The following KIF26B variants were observed in gnomAD, a reference collection of about 807,000 sequenced individuals.
The protein encoded by KIF26B is kinesin-like protein KIF26B.
A neutral mutation model predicts 151.2 loss-of-function variants in KIF26B; 63 were observed. The observed-to-expected ratio is 0.42, with a 90% CI of 0.34 to 0.51. The LOEUF (loss-of-function observed/expected upper bound fraction) is 0.51. KIF26B is among the 20% of genes least tolerant of loss of function. KIF26B has a pLI of 0.07. For missense variants in KIF26B, 2,813 were observed against 2,913.6 expected (o/e 0.97, Z 0.79); for synonymous variants, 1,357 against 1,262.1 (o/e 1.08, Z -1.59).
At position 245,575,026 on chromosome 1, in the gene KIF26B, G is replaced by A. The variant is rs560788000; in HGVS notation, c.1351-27551G>A. On this transcript the variant is annotated intron_variant, in intron 5 of 14. Transcript: ENST00000407071. ...ACTACAGGCGCCCGCCACCACACCC[G>A]GCTAATTTTTTTGTATTTTTAGTAG... 9.3e-4 allele frequency among the ~76,000 whole-genome samples: 141 copies of A among 150,852 alleles called. 1 individual carries two copies. In the South Asian group the frequency reaches 0.027, roughly 29 times the overall value.
intron 2 of KIF26B, among the ~76,000 whole-genome samples, chr1:245,292,478 C>T (rs569195007): frequency 3.5e-4 from 54 of 152,288 alleles, no homozygotes; most frequent in East Asian, 1.9e-4. Context: ...GGATGGTGCA[C>T]GGCTCCTTTT....
intron 9 of KIF26B, among the ~76,000 whole-genome samples, chr1:245,636,815 T>G (rs1297200880): frequency 1.3e-5 from 2 of 151,908 alleles, no homozygotes; most frequent in African/African-American, 4.8e-5. Context: ...CCATGTTGCT[T>G]AAAATGACAG....
At chr1:245,246,246 G>T (rs1670328977) in intron 2 of KIF26B, among the ~76,000 whole-genome samples, 1 of 152,142 alleles carries the variant, frequency 6.6e-6, no homozygotes, top group Non-Finnish European at 1.5e-5. Context: ...TTCTTGAAAA[G>T]AACCCCTTTC....
At chr1:245,466,578 G>A (rs1045502577) in intron 4 of KIF26B, among the ~76,000 whole-genome samples, 1 of 152,206 alleles carries the variant, frequency 6.6e-6, no homozygotes, top group Admixed American at 6.5e-5. Context: ...GCAGACAGTT[G>A]TGAGGATCTT....
chr1:245,485,573 G>A (rs1469472984), intron 4 of KIF26B, among the ~76,000 whole-genome samples: 1 of 151,772 alleles, frequency 6.6e-6, no homozygotes, highest in East Asian at 1.9e-4. Flanking sequence ...TAGTAGAGAC[G>A]GGGTTTCGCC....
In KIF26B at chr1:245,685,972, C is replaced by T; in HGVS notation, c.2989C>T (p.Pro997Ser). 1 of 1,601,602 alleles carries T rather than the reference C, an allele frequency of 6.2e-7. No individual in the cohort carries two copies. Among genetic ancestry groups the T allele is most frequent in the Non-Finnish European group, 8.5e-7 (1 of 1,174,500 alleles). Reference protein sequence around the residue: ...QLTNREGPELPASKMQRSHSP... With the variant: ...QLTNREGPELSASKMQRSHSP... ...GACCAACAGAGAAGGCCCTGAACTC[C>T]CAGCCTCCAAGATGCAGAGGAGTCA... Residue 997 changes from proline to serine, a missense_variant, in exon 12 of 15, where the codon CCA becomes TCA. Physicochemically the swap from Pro to Ser is moderately conservative, Grantham distance 74 (BLOSUM62 -1). Transcript: ENST00000407071.
chr1:245,570,952 C>A (rs2043061450), intron 5 of KIF26B, among the ~76,000 whole-genome samples: 1 of 152,208 alleles, frequency 6.6e-6, no homozygotes, highest in African/African-American at 2.4e-5. Flanking sequence ...ATCATCAAAT[C>A]TAACATGTTA....
At chr1:245,187,679 T>C (rs1669023567) in intron 2 of KIF26B, among the ~76,000 whole-genome samples, 2 of 152,180 alleles carry the variant, frequency 1.3e-5, no homozygotes, top group Admixed American at 1.3e-4. Flanking sequence ...GGAAGGCTCT[T>C]GGTGTTTCAG....
rs533657983 is a variant in KIF26B at position 245,572,050 on chromosome 1, C to T, written c.1351-30527C>T. 8.1e-4 allele frequency among the ~76,000 whole-genome samples: 123 copies of T among 152,278 alleles called. 1 individual carries two copies. The South Asian group carries it at 0.024, about 30-fold the overall frequency. ...AATATCCTCAGGGAATAGCTTTTATCTGCTAAGTATGACAAGTGTGGCAAC... is the reference window on the plus strand; with the variant it reads ...AATATCCTCAGGGAATAGCTTTTATTTGCTAAGTATGACAAGTGTGGCAAC... On this transcript the variant is annotated intron_variant, in intron 5 of 14. Coordinates refer to ENST00000407071, the MANE Select transcript of KIF26B (RefSeq NM_018012.4). This position sits in a 1 kb window ranked among gnomAD's most constrained non-coding sequence, Gnocchi z 4.2.
At chr1:245,444,367 A>G (rs1176029001) in intron 4 of KIF26B, among the ~76,000 whole-genome samples, 2 of 152,272 alleles carry the variant, frequency 1.3e-5, no homozygotes, top group South Asian at 2.1e-4. Context: ...TGTTAGAAGC[A>G]GAAGCCCTTG....
rs1157111208 is a variant in KIF26B, at chr1:245,640,675, A to T, written c.2099-5446A>T. ...TGCTTTTATTTTTTGTTTATCAATT[A>T]TAGATTTTTGCTTTAGGTTACCATG... On this transcript the variant is annotated intron_variant, in intron 9 of 14. Coordinates refer to ENST00000407071, the MANE Select transcript of KIF26B (RefSeq NM_018012.4). 2.0e-5 allele frequency among the ~76,000 whole-genome samples: 3 copies of T among 152,094 alleles called. No individual in the cohort carries two copies. In the East Asian group the frequency reaches 5.8e-4, roughly 29 times the overall value.
rs933357863 is a variant in KIF26B at position 245,486,342 on chromosome 1, A to C, written c.1167-54425A>C. 2.0e-5 allele frequency among the ~76,000 whole-genome samples: 3 copies of C among 152,118 alleles called. No individual in the cohort carries two copies. In the East Asian group the frequency reaches 5.8e-4, roughly 30 times the overall value. The stretch of plus-strand genomic sequence containing the variant: ...TCTGTCAATTTGATAAATCATTTTC[A>C]GGAAAGAAGAAGTTTCAGCAAAGTA... On this transcript the variant is annotated intron_variant, in intron 4 of 14. Transcript: ENST00000407071.
chr1:245,519,503 G>A (rs752760674), intron 4 of KIF26B, among the ~76,000 whole-genome samples: 22 of 151,692 alleles, frequency 1.5e-4, no homozygotes, highest in Non-Finnish European at 2.8e-4. Flanking sequence ...GCAGTGAGTC[G>A]AGGTGGTACC....
At chr1:245,673,600 T>C (rs1456036794) in intron 10 of KIF26B, 2 of 152,316 alleles carry the variant, frequency 1.3e-5, no homozygotes, top group South Asian at 2.1e-4. Context: ...ACACTTCTAA[T>C]GTCAACCTTG....
At chr1:245,386,451 C>T (rs114850186) in intron 3 of KIF26B, among the ~76,000 whole-genome samples, 3,241 of 152,126 alleles carry the variant, frequency 0.021, 97 homozygotes, top group African/African-American at 0.063. Context: ...CTTTGCTGAG[C>T]GATGAGGGAG....
chr1:245,580,710 A>AT (rs1423724445), intron 5 of KIF26B, among the ~76,000 whole-genome samples: 2 of 152,308 alleles, frequency 1.3e-5, no homozygotes, highest in Admixed American at 6.5e-5. Flanking sequence ...CTCAGCATGG[A>AT]TTAGAACAGT....
chr1:245,377,541 C>T (rs1673306255), intron 3 of KIF26B, among the ~76,000 whole-genome samples: 1 of 152,188 alleles, frequency 6.6e-6, no homozygotes, highest in Admixed American at 6.5e-5. Flanking sequence ...ATAGCAATTT[C>T]TGCAATTACT....
chr1:245,477,599 C>T (rs568833690), intron 4 of KIF26B, among the ~76,000 whole-genome samples: 4 of 151,842 alleles, frequency 2.6e-5, no homozygotes, highest in African/African-American at 9.6e-5. Context: ...TGGGCAGAGG[C>T]ATAGAGGAAG....
chr1:245,193,945 G>C (rs192348441), intron 2 of KIF26B, among the ~76,000 whole-genome samples: 9 of 152,308 alleles, frequency 5.9e-5, no homozygotes, highest in Non-Finnish European at 8.8e-5. Flanking sequence ...ACCATGGGGC[G>C]CTAGAAAATG....
Sources: allele counts gnomAD v4.1 joint callset (sites outside exome capture counted in the v4.1 genomes callset), GRCh38; gene constraint gnomAD v4.1.1; non-coding constraint Gnocchi (gnomAD v3.1); transcripts MANE v1.5; gene names NCBI Gene and HGNC (gene_info 2026-07-23, HGNC 2026-07-21).